The following TTC28 variants were observed in gnomAD, a reference collection of about 807,000 sequenced individuals.
The protein encoded by TTC28 is tetratricopeptide repeat domain 28, also known as tetratricopeptide repeat protein 28.
Under a neutral mutation model 198.0 loss-of-function variants are expected in TTC28, and 61 were observed. The observed-to-expected ratio is 0.31, with a 90% confidence interval of 0.25 to 0.38. The LOEUF is 0.38. Among genes scored for constraint, TTC28 ranks in the 10% least tolerant of loss-of-function variants. The pLI, the probability that TTC28 is intolerant of heterozygous loss-of-function variation, is 1.00. For synonymous variants in TTC28, 1,171 were observed against 1,297.8 expected, an observed-to-expected ratio of 0.90 and a Z score of 2.10; for missense variants, 2,678 against 3,164.0, an observed-to-expected ratio of 0.85 and a Z score of 3.69.
chr22:28,341,224 A>G (rs1007776299), intron 2 of TTC28, among the ~76,000 whole-genome samples: 1 of 152,236 alleles, frequency 6.6e-6, no homozygotes, highest in Non-Finnish European at 1.5e-5. Flanking sequence ...TATCAAAACA[A>G]TAGAGGAAGA....
chr22:28,127,214 T>C (rs927745630), intron 6 of TTC28, among the ~76,000 whole-genome samples: 21 of 152,330 alleles, frequency 1.4e-4, no homozygotes, highest in Middle Eastern at 3.4e-3. Flanking sequence ...GAGATACAAG[T>C]AGCTTTTCTG....
chr22:28,239,575 G>A (rs1929512025), intron 5 of TTC28, among the ~76,000 whole-genome samples: 1 of 152,164 alleles, frequency 6.6e-6, no homozygotes, highest in Admixed American at 6.5e-5. Context: ...AAACAAAACA[G>A]TTTTACCAAA....
At chr22:28,640,322 G>A (rs1411335846) in intron 1 of TTC28, among the ~76,000 whole-genome samples, 2 of 141,074 alleles carry the variant, frequency 1.4e-5, no homozygotes, top group East Asian at 2.3e-4. Flanking sequence ...AGGGGGGGGG[G>A]GGAAAGATGA....
chr22:28,296,108 T>G, intron 5 of TTC28, 90 bp downstream of exon 5: 1 of 1,317,684 alleles, frequency 7.6e-7, no homozygotes, highest in Non-Finnish European at 1.0e-6. Context: ...TATTTTAAGA[T>G]ACCTGAAACA....
Position 28,108,197 on chromosome 22 carries a change from G to C in TTC28, c.1648C>G (p.Arg550Gly). 3 of 1,551,608 alleles carry C rather than the reference G, an allele frequency of 1.9e-6. No individual in the cohort carries two copies. Among genetic ancestry groups the C allele is most frequent in the Non-Finnish European group, 2.6e-6 (3 of 1,146,920 alleles). ...CCATGTGTGGAGGCCTGTGAGGCGC[G>C]GTCATTCACTTCCATGGAGATCTGC... ...ELQISMEVND[R>G]ASQASTHGNL... The change falls in exon 7 of 23, where the codon CGC becomes GGC. Residue 550 changes from arginine (R) to glycine (G), a missense_variant. Physicochemically the swap from Arg to Gly is moderately radical, Grantham distance 125 (BLOSUM62 -2). This residue lies in a region of TTC28 where 775 missense variants were observed against 845.9 expected (regional missense o/e 0.92). Coordinates refer to ENST00000397906, the MANE Select transcript of TTC28 (RefSeq NM_001145418.2).
Position 28,306,484 on chromosome 22 carries a change from T to A in TTC28, c.529+12A>T. ...AAATTAATGTTATACCAAGTACTTT[T>A]ATCATATTTACCTCTCATGGGAGAT... On this transcript the variant is annotated intron_variant, in intron 3 of 22. Coordinates refer to ENST00000397906, the MANE Select transcript of TTC28 (RefSeq NM_001145418.2). 6.5e-7 allele frequency: 1 copy of A among 1,546,974 alleles called. No individual in the cohort carries two copies. Among genetic ancestry groups the A allele is most frequent in the South Asian group, 1.2e-5 (1 of 82,946 alleles).
rs1942370077 is a variant in TTC28, at chr22:28,108,018, C to T, written c.1827G>A (p.Glu609=). ...NLGNFHCSRG[E]YVQAAPYYEQ... ...CATAATAGGGGGCAGCCTGGACATACTCTCCCCGAGAGCAGTGGAAATTGC... is the reference window on the plus strand; with the variant it reads ...CATAATAGGGGGCAGCCTGGACATATTCTCCCCGAGAGCAGTGGAAATTGC... The change falls in exon 7 of 23, where the codon GAG becomes GAA. Residue 609 remains glutamate, a synonymous_variant. Transcript: ENST00000397906. 1 of 1,551,628 alleles carries T rather than the reference C, an allele frequency of 6.4e-7. No individual in the cohort carries two copies. The highest frequency in any genetic ancestry group is 1.2e-5 in the South Asian group (1 of 84,048).
At chr22:28,552,832 G>A (rs1382522735) in intron 2 of TTC28, among the ~76,000 whole-genome samples, 1 of 141,044 alleles carries the variant, frequency 7.1e-6, no homozygotes, top group African/African-American at 2.7e-5. Context: ...TCCCTCTGAT[G>A]CCGAGCCAAA....
intron 6 of TTC28, among the ~76,000 whole-genome samples, chr22:28,121,064 G>A (rs547793422): frequency 4.6e-5 from 7 of 152,254 alleles, no homozygotes; most frequent in African/African-American, 7.2e-5. Context: ...TTTTTCTTCC[G>A]TTTCTGTTTA....
chr22:28,189,617 G>A (rs1339844348), intron 5 of TTC28, among the ~76,000 whole-genome samples: 3 of 150,798 alleles, frequency 2.0e-5, no homozygotes, highest in African/African-American at 7.3e-5. Context: ...CAGGTCACCA[G>A]GGACAAAGGA....
rs528535184 is a variant in TTC28, at chr22:28,000,900, A to T, written c.4398+474T>A. 5.1e-5 allele frequency: 8 copies of T among 157,600 alleles called. No homozygotes were observed. The South Asian group carries it at 1.5e-3, about 30-fold the overall frequency. The allele number at this position is 157,600 out of a possible 1,614,324, so 9.8% of individuals were successfully genotyped here. A position where few individuals can be genotyped will look rare whatever the true frequency, so the allele number is the denominator to read the frequency against. On this transcript the variant is annotated intron_variant, in intron 15 of 22. Coordinates refer to ENST00000397906, the MANE Select transcript of TTC28 (RefSeq NM_001145418.2). ...AGCCACCTGACTTGTTTTCAGTTCC[A>T]CTGGCCTGTCGGGCTGTTTTCTACT...
chr22:28,035,311 G>A (rs2146650239), intron 12 of TTC28, among the ~76,000 whole-genome samples: 1 of 152,276 alleles, frequency 6.6e-6, no homozygotes, highest in Non-Finnish European at 1.5e-5. Flanking sequence ...ACAGGGCAGT[G>A]AGATAGCTCC....
intron 2 of TTC28, among the ~76,000 whole-genome samples, chr22:28,344,393 A>C (rs1241973685): frequency 6.6e-6 from 1 of 152,128 alleles, no homozygotes; most frequent in Non-Finnish European, 1.5e-5. Flanking sequence ...ATGCTTAAGA[A>C]CTAAGACATG....
intron 2 of TTC28, among the ~76,000 whole-genome samples, chr22:28,426,070 G>A (rs562037309): frequency 1.2e-3 from 188 of 152,146 alleles, no homozygotes; most frequent in African/African-American, 4.1e-3. Flanking sequence ...AATTAGTCAG[G>A]CTTGGTGGTG....
chr22:28,225,248 G>A (rs539903641), intron 5 of TTC28, among the ~76,000 whole-genome samples: 40 of 151,990 alleles, frequency 2.6e-4, no homozygotes, highest in African/African-American at 5.1e-4. Flanking sequence ...CCAGCTACTC[G>A]GGAGGCTGAG....
intron 14 of TTC28, among the ~76,000 whole-genome samples, chr22:28,003,413 T>C (rs1937795915): frequency 6.6e-6 from 1 of 152,168 alleles, no homozygotes; most frequent in Non-Finnish European, 1.5e-5. Flanking sequence ...TTGAGCCACC[T>C]GCCATGTGCA....
At chr22:28,144,587 G>GT (rs1943418332) in intron 6 of TTC28, among the ~76,000 whole-genome samples, 1 of 152,186 alleles carries the variant, frequency 6.6e-6, no homozygotes, top group African/African-American at 2.4e-5. Flanking sequence ...GGAGACATCT[G>GT]TAAGCTTATT....
chr22:28,428,277 T>C (rs1035926203), intron 2 of TTC28, among the ~76,000 whole-genome samples: 2 of 152,186 alleles, frequency 1.3e-5, no homozygotes, highest in Admixed American at 1.3e-4. Flanking sequence ...CATGAAAATA[T>C]ACGAATTTGG....
In TTC28 at chr22:28,094,144, A is replaced by G; in HGVS notation, c.3868T>C (p.Ser1290Pro). 1 of 1,551,646 alleles carries G rather than the reference A, an allele frequency of 6.4e-7. No homozygotes were observed. Among genetic ancestry groups the G allele is most frequent in the Non-Finnish European group, 8.7e-7 (1 of 1,146,954 alleles). The change falls in exon 12 of 23, where the codon TCA (serine) becomes CCA (proline). Residue 1290 changes from serine to proline, a missense_variant. Ser to Pro is a moderately conservative substitution (Grantham distance 74). Coordinates refer to ENST00000397906, the MANE Select transcript of TTC28 (RefSeq NM_001145418.2). ...CTGGCAATGTGCTGCTCCAGGGCTGAGCCGGTTGCTGTTGGAAGGGTTACA... is the reference window on the plus strand; with the variant it reads ...CTGGCAATGTGCTGCTCCAGGGCTGGGCCGGTTGCTGTTGGAAGGGTTACA... ...SSVTLPTATG[S>P]ALEQHIASVR...
Sources: allele counts gnomAD v4.1 joint callset (sites outside exome capture counted in the v4.1 genomes callset), GRCh38; gene constraint gnomAD v4.1.1; regional missense constraint gnomAD v4.1.1; transcripts MANE v1.5; gene names NCBI Gene and HGNC (gene_info 2026-07-23, HGNC 2026-07-21).